The following GSTCD variants were observed in gnomAD, a reference collection of about 807,000 sequenced individuals.
The protein encoded by GSTCD is glutathione S-transferase C-terminal domain-containing protein.
Under a neutral mutation model 68.3 loss-of-function variants are expected in GSTCD, and 44 were observed. The observed-to-expected ratio is 0.64, with a 90% CI of 0.51 to 0.83. GSTCD has a LOEUF of 0.83. Among genes scored for constraint, GSTCD ranks in the 40% least tolerant of loss-of-function variants. The probability of loss-of-function intolerance (pLI) is 0.00; values close to 1 mark genes in which losing one functional copy is unlikely to be tolerated. For synonymous variants in GSTCD, 273 were observed against 255.2 expected (o/e 1.07, Z -0.67); for missense variants, 739 against 735.9 (o/e 1.00, Z -0.05).
chr4:105,788,313 T>A (rs1330264301), intron 5 of GSTCD, among the ~76,000 whole-genome samples: 4 of 138,662 alleles, frequency 2.9e-5, no homozygotes, highest in Admixed American at 2.7e-4. Context: ...TTTCTACTTG[T>A]CCATTTTACA....
chr4:105,823,133 A>T (rs765167121), intron 6 of GSTCD, 64 bp downstream of exon 6: 2 of 1,566,790 alleles, frequency 1.3e-6, no homozygotes, highest in Non-Finnish European at 8.8e-7. Flanking sequence ...TCTATATTAC[A>T]TTCAAGGTCA....
chr4:105,845,117 G>A (rs527759618), intron 11 of GSTCD, among the ~76,000 whole-genome samples: 1 of 152,174 alleles, frequency 6.6e-6, no homozygotes, highest in African/African-American at 2.4e-5. Flanking sequence ...GGAAAGCAGA[G>A]AAAAGGTCTT....
chr4:105,768,064 C>A lies in GSTCD; in HGVS notation c.1240+38565C>A, dbSNP rs529224177. On this transcript the variant is annotated intron_variant, in intron 5 of 11. Transcript: ENST00000515279. ...TTTTTTTTTTTTTTTGAGACGGAGT[C>A]TCTCCCTGTCTCCCAGGGTGGAGTG... Among the ~76,000 whole-genome samples the A allele has an allele frequency of 2.2e-3, 317 of 146,358 alleles. 2 individuals carry two copies. Among genetic ancestry groups the A allele is most frequent in the Middle Eastern group, 3.6e-3 (1 of 274 alleles).
intron 4 of GSTCD, among the ~76,000 whole-genome samples, chr4:105,728,703 AG>A (rs1733127289): frequency 2.0e-5 from 3 of 151,728 alleles, no homozygotes; most frequent in African/African-American, 7.3e-5. Context: ...ATATAGATAT[AG>A]ATATAGATAT....
At chr4:105,742,636 A>T (rs1362530250) in intron 5 of GSTCD, among the ~76,000 whole-genome samples, 1 of 152,000 alleles carries the variant, frequency 6.6e-6, no homozygotes, top group South Asian at 2.1e-4. Flanking sequence ...ATTTGCTCAT[A>T]TGGAAGTGAG....
intron 5 of GSTCD, among the ~76,000 whole-genome samples, chr4:105,770,554 G>C (rs949077342): frequency 2.0e-5 from 3 of 152,004 alleles, no homozygotes; most frequent in Non-Finnish European, 4.4e-5. Context: ...CCTGGAGTAT[G>C]ATATTCCCCT....
At chr4:105,820,713 G>C (rs892830488) in intron 5 of GSTCD, 1 of 151,738 alleles carries the variant, frequency 6.6e-6, no homozygotes, top group Non-Finnish European at 1.5e-5. Context: ...TGCAGCGTAT[G>C]GTCTCTCAAC....
At chr4:105,804,970 T>C (rs1002775033) in intron 5 of GSTCD, among the ~76,000 whole-genome samples, 2 of 152,124 alleles carry the variant, frequency 1.3e-5, no homozygotes, top group African/African-American at 4.8e-5. Flanking sequence ...AAGGACATGG[T>C]CTCGTTCCTT....
At chr4:105,764,248 G>A (rs1455583711) in intron 5 of GSTCD, among the ~76,000 whole-genome samples, 1 of 152,104 alleles carries the variant, frequency 6.6e-6, no homozygotes, top group East Asian at 1.9e-4. Context: ...AATGATTTGT[G>A]ATGTATTTTA....
chr4:105,758,961 T>G (rs533701029), intron 5 of GSTCD, among the ~76,000 whole-genome samples: 11 of 152,238 alleles, frequency 7.2e-5, no homozygotes, highest in Non-Finnish European at 1.3e-4. Flanking sequence ...GACATCATTT[T>G]TTGTCAATTT....
At chr4:105,714,177 T>C (rs1318083448) in intron 1 of GSTCD, among the ~76,000 whole-genome samples, 1 of 152,154 alleles carries the variant, frequency 6.6e-6, no homozygotes, top group African/African-American at 2.4e-5. Flanking sequence ...CCAAGCAAAT[T>C]GGCACGTCCA....
intron 3 of GSTCD, among the ~76,000 whole-genome samples, chr4:105,724,206 A>T (rs920872264): frequency 6.6e-6 from 1 of 151,818 alleles, no homozygotes; most frequent in East Asian, 1.9e-4. Context: ...AGACATCATA[A>T]TGGTTTCTAC....
intron 5 of GSTCD, among the ~76,000 whole-genome samples, chr4:105,812,017 A>G (rs945095701): frequency 2.0e-5 from 3 of 152,192 alleles, no homozygotes; most frequent in South Asian, 4.1e-4. Context: ...TAAGAATGCA[A>G]TTGGAAAATC....
chr4:105,720,468 T>G (rs1324933341), intron 3 of GSTCD, among the ~76,000 whole-genome samples: 1 of 152,210 alleles, frequency 6.6e-6, no homozygotes, highest in Admixed American at 6.5e-5. Context: ...CGAAAATCTA[T>G]GTATTTGAAG....
chr4:105,714,999 T>C lies in GSTCD; in HGVS notation c.-21-2594T>C, dbSNP rs1047670916. ...TTTGTTTCCAGTTTTTTAAAAAGTG[T>C]TAGGATGAGCCTCGTAATTACTATT... is the stretch of plus-strand genomic sequence containing the variant. On this transcript the variant is annotated intron_variant, in intron 1 of 11. Coordinates refer to ENST00000515279, the MANE Select transcript of GSTCD (RefSeq NM_001370181.1). Among the ~76,000 whole-genome samples the C allele has an allele frequency of 2.6e-5, 4 of 152,320 alleles. No homozygotes were observed. In the South Asian group the frequency reaches 8.3e-4, roughly 32 times the overall value.
intron 9 of GSTCD, among the ~76,000 whole-genome samples, chr4:105,836,611 A>C (rs962479792): frequency 1.3e-5 from 2 of 152,070 alleles, no homozygotes; most frequent in Non-Finnish European, 2.9e-5. Context: ...GTCAGTGCCC[A>C]AAGTCCAGAG....
rs1724397501 is a variant in GSTCD, at chr4:105,842,573, GTTT to G, written c.1765+440_1765+442del. Among the ~76,000 whole-genome samples the G allele has an allele frequency of 4.7e-5, 7 of 150,350 alleles. 1 individual carries two copies. In the South Asian group the frequency reaches 1.6e-3, roughly 33 times the overall value. On this transcript the variant is annotated intron_variant, in intron 11 of 11. Transcript: ENST00000515279. ...TGTATTATTTATCATAGATGAATTT[GTTT>G]GACAATATTAAATATTACCTAAATT...
At chr4:105,788,498 C>G (rs1011662854) in intron 5 of GSTCD, among the ~76,000 whole-genome samples, 2 of 151,972 alleles carry the variant, frequency 1.3e-5, no homozygotes, top group African/African-American at 4.8e-5. Context: ...CCTACTTAAC[C>G]CATTTATTCT....
intron 5 of GSTCD, among the ~76,000 whole-genome samples, chr4:105,789,890 A>G (rs1307213845): frequency 1.3e-5 from 2 of 151,778 alleles, no homozygotes; most frequent in Non-Finnish European, 2.9e-5. Flanking sequence ...TGATCTCTCA[A>G]TTCTCAGTCA....
Sources: gnomAD v4.1 joint callset for allele counts (sites outside exome capture counted in the v4.1 genomes callset) on GRCh38, gnomAD v4.1.1 for gene constraint, MANE v1.5 for transcripts, NCBI Gene and HGNC (gene_info 2026-07-23, HGNC 2026-07-21) for gene names.